The following XKR4 variants were observed in gnomAD, a reference collection of about 807,000 sequenced individuals.
XKR4 encodes XK related 4.
A neutral mutation model predicts 53.9 loss-of-function variants in XKR4; 12 were observed. That is an observed-to-expected ratio of 0.22 (90% CI 0.14 to 0.36). XKR4 has a LOEUF of 0.36. XKR4 is among the 10% of genes least tolerant of loss of function. XKR4 has a pLI of 1.00. For missense variants in XKR4, 799 were observed against 859.5 expected, an observed-to-expected ratio of 0.93 and a Z score of 0.88; for synonymous variants, 354 against 362.4, an observed-to-expected ratio of 0.98 and a Z score of 0.26.
chr8:55,255,579 A>C (rs1253778932), intron 1 of XKR4, among the ~76,000 whole-genome samples: 3 of 152,210 alleles, frequency 2.0e-5, no homozygotes, highest in Non-Finnish European at 4.4e-5. Flanking sequence ...GGGTATGCTT[A>C]GTGTATAAAT....
At chr8:55,315,217 T>G (rs1424922062) in intron 1 of XKR4, among the ~76,000 whole-genome samples, 1 of 152,158 alleles carries the variant, frequency 6.6e-6, no homozygotes, top group Non-Finnish European at 1.5e-5. Flanking sequence ...CCAGCTGTTG[T>G]GTACACAGCA....
chr8:55,445,943 C>T (rs991685716), intron 2 of XKR4, among the ~76,000 whole-genome samples: 2 of 152,216 alleles, frequency 1.3e-5, no homozygotes, highest in Non-Finnish European at 2.9e-5. Context: ...CAGAAAAGGC[C>T]TCCGACTGCA....
Position 55,527,926 on chromosome 8 carries a change from T to G in XKR4, c.*3699T>G, listed in dbSNP as rs1436512154. The G allele has an allele frequency of 6.6e-6, 1 of 152,192 alleles. No individual in the cohort carries two copies. The highest frequency in any genetic ancestry group is 1.5e-5 in the Non-Finnish European group (1 of 68,004). The allele number at this position is 152,192 out of a possible 1,614,324, so 9.4% of individuals were successfully genotyped here. ...TAGTTGAAAACTCAATGGCTGTTTT[T>G]TAAAAATGATATGTGCCTTTTAAGT... is the stretch of plus-strand genomic sequence containing the variant. On this transcript the variant is annotated 3_prime_UTR_variant, in exon 3 of 3. Transcript: ENST00000327381.
intron 1 of XKR4, among the ~76,000 whole-genome samples, chr8:55,161,930 G>A (rs922962602): frequency 2.0e-5 from 3 of 152,126 alleles, no homozygotes; most frequent in Non-Finnish European, 4.4e-5. Context: ...TGCAATCTCT[G>A]TTTGCTACCA....
intron 1 of XKR4, among the ~76,000 whole-genome samples, chr8:55,277,333 T>A (rs112571764): frequency 1.3e-3 from 204 of 152,248 alleles, no homozygotes; most frequent in African/African-American, 4.8e-3. Flanking sequence ...TACTGTTTGA[T>A]AACAGGCAGA....
chr8:55,438,783 T>C (rs773249753), intron 2 of XKR4, among the ~76,000 whole-genome samples: 7 of 152,112 alleles, frequency 4.6e-5, no homozygotes, highest in Admixed American at 1.3e-4. Context: ...TATTGAGACA[T>C]AGCTGAGTTG....
At chr8:55,425,655 G>A (rs553237331) in intron 2 of XKR4, among the ~76,000 whole-genome samples, 1 of 152,194 alleles carries the variant, frequency 6.6e-6, no homozygotes, top group East Asian at 1.9e-4. Flanking sequence ...TTACCCACGT[G>A]AGAAACCTGG....
chr8:55,263,050 A>T (rs1454740582), intron 1 of XKR4, among the ~76,000 whole-genome samples: 1 of 152,038 alleles, frequency 6.6e-6, no homozygotes, highest in Non-Finnish European at 1.5e-5. Context: ...TGTCCCTCTG[A>T]CCACCCTGCT....
In XKR4 at chr8:55,227,761, C is replaced by A. The variant is rs575096263; in HGVS notation, c.806+124467C>A. On this transcript the variant is annotated intron_variant, in intron 1 of 2. Coordinates refer to ENST00000327381, the MANE Select transcript of XKR4 (RefSeq NM_052898.2). ...GAGAGCACAGATCCGCCACAGCCAC[C>A]CCTGTGTGAGTGGGACATTCAATGC... Among the ~76,000 whole-genome samples the A allele has an allele frequency of 1.8e-4, 27 of 152,278 alleles. No homozygotes were observed. The South Asian group carries it at 5.6e-3, about 32-fold the overall frequency.
At chr8:55,451,060 C>T (rs939402786) in intron 2 of XKR4, 3 of 528,706 alleles carry the variant, frequency 5.7e-6, no homozygotes, top group Non-Finnish European at 1.0e-5. Context: ...GGCACCAGCT[C>T]TCACTGCTGC....
At chr8:55,392,054 T>C (rs1012203256) in intron 2 of XKR4, among the ~76,000 whole-genome samples, 1 of 152,168 alleles carries the variant, frequency 6.6e-6, no homozygotes, top group Admixed American at 6.5e-5. Flanking sequence ...AAGCATAAGA[T>C]GAAAGAAGGT....
At chr8:55,351,781 C>G (rs900975114) in intron 1 of XKR4, among the ~76,000 whole-genome samples, 10 of 152,194 alleles carry the variant, frequency 6.6e-5, no homozygotes, top group African/African-American at 2.4e-4. Context: ...CGGCCAATGC[C>G]CCTACTTTTC....
chr8:55,251,384 G>T (rs575927563), intron 1 of XKR4, among the ~76,000 whole-genome samples: 87 of 152,320 alleles, frequency 5.7e-4, no homozygotes, highest in African/African-American at 2.0e-3. Context: ...TAGAGGAGTT[G>T]CTGAATTTCA....
rs185589915 is a variant in XKR4 at position 55,112,403 on chromosome 8, C to T, written c.806+9109C>T. On this transcript the variant is annotated intron_variant, in intron 1 of 2. Coordinates refer to ENST00000327381, the MANE Select transcript of XKR4 (RefSeq NM_052898.2). ...CTTGAGATGACTGGTTTGACTTCCC[C>T]TCAAGTCCATTCTATTTAAGAAGGA... Among the ~76,000 whole-genome samples the T allele has an allele frequency of 3.3e-5, 5 of 152,146 alleles. No homozygotes were observed. In the East Asian group the frequency reaches 9.7e-4, roughly 29 times the overall value.
chr8:55,312,380 G>T (rs1384044461), intron 1 of XKR4, among the ~76,000 whole-genome samples: 1 of 152,076 alleles, frequency 6.6e-6, no homozygotes, highest in East Asian at 1.9e-4. Flanking sequence ...TTTAAGTAAT[G>T]AATTTGATAT....
intron 2 of XKR4, among the ~76,000 whole-genome samples, chr8:55,467,088 G>A (rs1434705539): frequency 1.3e-5 from 2 of 152,048 alleles, no homozygotes; most frequent in South Asian, 2.1e-4. Flanking sequence ...TCTCATCTGG[G>A]CACAGGGTCC....
chr8:55,184,129 A>T (rs1160718055), intron 1 of XKR4, among the ~76,000 whole-genome samples: 1 of 152,164 alleles, frequency 6.6e-6, no homozygotes, highest in Non-Finnish European at 1.5e-5. Flanking sequence ...TATTAAAAAA[A>T]AATTTAGCTG....
chr8:55,370,106 A>G (rs1804051590), intron 2 of XKR4, among the ~76,000 whole-genome samples: 1 of 152,210 alleles, frequency 6.6e-6, no homozygotes, highest in South Asian at 2.1e-4. Flanking sequence ...CTTTGCAGCA[A>G]GCCTTAATTA....
intron 1 of XKR4, chr8:55,161,435 C>G: frequency 4.7e-6 from 2 of 425,000 alleles, no homozygotes; most frequent in Non-Finnish European, 9.3e-6. Context: ...TCTGAGGTCC[C>G]AAGGGAAACT....
Sources: gnomAD v4.1 joint callset for allele counts (sites outside exome capture counted in the v4.1 genomes callset) on GRCh38, gnomAD v4.1.1 for gene constraint, MANE v1.5 for transcripts, NCBI Gene and HGNC (gene_info 2026-07-23, HGNC 2026-07-21) for gene names.